The following MAP3K20 variants were observed in gnomAD, a reference collection of about 807,000 sequenced individuals.
MAP3K20 encodes the protein mitogen-activated protein kinase kinase kinase 20, also known as HCCS-4.
A neutral mutation model predicts 85.7 loss-of-function variants in MAP3K20; 40 were observed. The observed-to-expected ratio is 0.47, with a 90% CI of 0.36 to 0.61. The LOEUF (loss-of-function observed/expected upper bound fraction) is 0.61, where lower values mean the gene tolerates loss of function less well. Among genes scored for constraint, MAP3K20 ranks in the 20% least tolerant of loss-of-function variants. The pLI, the probability that MAP3K20 is intolerant of heterozygous loss-of-function variation, is 0.00. For missense variants in MAP3K20, 817 were observed against 961.7 expected (o/e 0.85, Z 1.99); for synonymous variants, 325 against 327.7 (o/e 0.99, Z 0.09).
chr2:173,163,368 A>G (rs1465300478), intron 2 of MAP3K20, among the ~76,000 whole-genome samples: 1 of 152,190 alleles, frequency 6.6e-6, no homozygotes, highest in Non-Finnish European at 1.5e-5. Flanking sequence ...TTAAGTGAGA[A>G]TATGTTGTAT....
chr2:173,086,609 C>T (rs1335615376), intron 1 of MAP3K20, among the ~76,000 whole-genome samples: 1 of 152,214 alleles, frequency 6.6e-6, no homozygotes, highest in Admixed American at 6.5e-5. Context: ...TGGTGTATCA[C>T]AAAATAGCAG....
At chr2:173,167,924 C>G (rs1193803628) in intron 2 of MAP3K20, among the ~76,000 whole-genome samples, 4 of 152,136 alleles carry the variant, frequency 2.6e-5, no homozygotes, top group Non-Finnish European at 1.5e-5. Flanking sequence ...CTCAGTTTGA[C>G]AAATACTGGT....
intron 2 of MAP3K20, among the ~76,000 whole-genome samples, chr2:173,138,757 A>G (rs1252639511): frequency 6.6e-6 from 1 of 152,198 alleles, no homozygotes; most frequent in Non-Finnish European, 1.5e-5. Context: ...TTGTGACAAG[A>G]GAGAAGGTTT....
At position 173,258,821 on chromosome 2, in the gene MAP3K20, G is replaced by T. The variant is rs770451485; in HGVS notation, c.1476+6G>T. ...AGATTTTAAAGATGACAAAGGTAGG[G>T]TTCTATTTACGGCTTAAAAGCTCTT... is the stretch of plus-strand genomic sequence containing the variant. On this transcript the variant is annotated splice_donor_region_variant and intron_variant, in intron 17 of 19. Transcript: ENST00000375213. The T allele has an allele frequency of 1.3e-6, 2 of 1,558,056 alleles. No homozygotes were observed. Among genetic ancestry groups the T allele is most frequent in the Non-Finnish European group, 1.8e-6 (2 of 1,130,828 alleles).
chr2:173,190,292 A>C (rs1326202970), intron 5 of MAP3K20, among the ~76,000 whole-genome samples: 1 of 152,082 alleles, frequency 6.6e-6, no homozygotes, highest in African/African-American at 2.4e-5. Context: ...TTCTCTCATC[A>C]TGGAATCTAT....
intron 16 of MAP3K20, among the ~76,000 whole-genome samples, chr2:173,257,078 C>T (rs1222041590): frequency 3.3e-5 from 5 of 152,060 alleles, no homozygotes; most frequent in African/African-American, 1.2e-4. Context: ...GTGGGAGAAT[C>T]GCTGGAGCTT....
intron 19 of MAP3K20, among the ~76,000 whole-genome samples, chr2:173,265,288 G>T (rs1156374551): frequency 6.6e-6 from 1 of 152,242 alleles, no homozygotes; most frequent in Non-Finnish European, 1.5e-5. Flanking sequence ...ACGTTGTTCA[G>T]GCTCGGGGGA....
In MAP3K20 at chr2:173,257,465, T is replaced by C. The variant is rs561965857; in HGVS notation, c.1360-1234T>C. Among the ~76,000 whole-genome samples, 19 of 152,334 alleles carry C rather than the reference T, an allele frequency of 1.2e-4. No individual in the cohort carries two copies. The South Asian group carries it at 3.9e-3, about 32-fold the overall frequency. On this transcript the variant is annotated intron_variant, in intron 16 of 19. Transcript: ENST00000375213. ...GGTTCTTTCACTCACTATAATGTTTTTGAGATTGATCCAAATTGTTGCATG... is the reference window on the plus strand; with the variant it reads ...GGTTCTTTCACTCACTATAATGTTTCTGAGATTGATCCAAATTGTTGCATG...
intron 2 of MAP3K20, among the ~76,000 whole-genome samples, chr2:173,110,271 TG>T (rs1687931364): frequency 9.4e-6 from 1 of 106,162 alleles, no homozygotes. Context: ...TTTTTTTTTT[TG>T]AGACAGGATC....
intron 3 of MAP3K20, among the ~76,000 whole-genome samples, chr2:173,174,629 C>G (rs1259181227): frequency 6.6e-6 from 1 of 152,064 alleles, no homozygotes; most frequent in Non-Finnish European, 1.5e-5. Context: ...GGGTTGGTTC[C>G]AAGTCATTGT....
At chr2:173,188,445 G>A (rs781430757) in intron 5 of MAP3K20, among the ~76,000 whole-genome samples, 14 of 152,114 alleles carry the variant, frequency 9.2e-5, no homozygotes, top group Non-Finnish European at 1.6e-4. Context: ...AGGAGGAAGC[G>A]AACTATCTAT....
chr2:173,199,666 T>TG (rs1559274863), intron 8 of MAP3K20, among the ~76,000 whole-genome samples: 2 of 150,220 alleles, frequency 1.3e-5, no homozygotes, highest in East Asian at 1.9e-4. Flanking sequence ...AAGGTTGTTT[T>TG]TTTTTTTTTT....
intron 2 of MAP3K20, among the ~76,000 whole-genome samples, chr2:173,100,926 CA>C (rs1302235366): frequency 1.3e-5 from 2 of 152,150 alleles, no homozygotes; most frequent in East Asian, 3.8e-4. Context: ...TCTTTTCTAC[CA>C]GACATTTCTG....
intron 2 of MAP3K20, among the ~76,000 whole-genome samples, chr2:173,110,226 TATATATATATATA>T (rs1226441627): frequency 0.018 from 200 of 10,890 alleles, no homozygotes; most frequent in Non-Finnish European, 0.032. Context: ...TATATATATA[TATATATATATATA>T]TATTTTTTTT....
At chr2:173,121,762 A>G (rs554468654) in intron 2 of MAP3K20, among the ~76,000 whole-genome samples, 2 of 149,786 alleles carry the variant, frequency 1.3e-5, no homozygotes, top group African/African-American at 4.9e-5. Context: ...ACCCGCCACC[A>G]TCACCTCCTG....
intron 2 of MAP3K20, among the ~76,000 whole-genome samples, chr2:173,169,365 A>C (rs1574074913): frequency 6.6e-6 from 1 of 152,280 alleles, no homozygotes; most frequent in Admixed American, 6.5e-5. Flanking sequence ...ACTTTCAAGA[A>C]AGACAGCTTT....
Position 173,137,979 on chromosome 2 carries a change from T to C in MAP3K20, c.160-31826T>C, listed in dbSNP as rs1688843986. On this transcript the variant is annotated intron_variant, in intron 2 of 19. Transcript: ENST00000375213. ...ATAAATATTTGTGATTTTTTGTTCT[T>C]TTTTGAGACAGGATCTTGCTGTGTC... is the stretch of plus-strand genomic sequence containing the variant. Among the ~76,000 whole-genome samples, 3 of 152,188 alleles carry C rather than the reference T, an allele frequency of 2.0e-5. No homozygotes were observed. The South Asian group carries it at 6.2e-4, about 32-fold the overall frequency.
At chr2:173,149,954 A>C (rs1559253250) in intron 2 of MAP3K20, among the ~76,000 whole-genome samples, 1 of 152,196 alleles carries the variant, frequency 6.6e-6, no homozygotes, top group African/African-American at 2.4e-5. Context: ...TCATTTAGGG[A>C]GTGTATAGAG....
intron 16 of MAP3K20, among the ~76,000 whole-genome samples, chr2:173,255,343 C>T (rs1008499934): frequency 6.6e-6 from 1 of 152,222 alleles, no homozygotes; most frequent in Non-Finnish European, 1.5e-5. Context: ...ACCTCTCCCG[C>T]TTGTCTGTCC....
Sources: allele counts gnomAD v4.1 joint callset (sites outside exome capture counted in the v4.1 genomes callset), GRCh38; gene constraint gnomAD v4.1.1; transcripts MANE v1.5; gene names NCBI Gene and HGNC (gene_info 2026-07-23, HGNC 2026-07-21).